The following MIB1 variants were observed in gnomAD, a reference collection of about 807,000 sequenced individuals.
The protein encoded by MIB1 is E3 ubiquitin-protein ligase MIB1.
A neutral mutation model predicts 124.5 loss-of-function variants in MIB1; 278 were observed. The ratio of observed to expected loss-of-function variants is 2.23; its 90% CI spans 2.02 to 2.47. The LOEUF (loss-of-function observed/expected upper bound fraction) is 2.47. Ranked by LOEUF, MIB1 falls within the 30% of genes most tolerant of loss-of-function variation. The pLI is 0.00. For missense variants in MIB1, 957 were observed against 1,254.4 expected, an observed-to-expected ratio of 0.76 and a Z score of 3.58; for synonymous variants, 446 against 429.4, an observed-to-expected ratio of 1.04 and a Z score of -0.48.
At chr18:21,826,957 A>C (rs1220848377) in intron 12 of MIB1, 2 of 152,156 alleles carry the variant, frequency 1.3e-5, no homozygotes, top group Non-Finnish European at 2.9e-5. Flanking sequence ...CCTAAACTTA[A>C]GTGCTGAAGA....
intron 1 of MIB1, among the ~76,000 whole-genome samples, chr18:21,722,572 T>A (rs576643450): frequency 6.6e-6 from 1 of 151,652 alleles, no homozygotes; most frequent in African/African-American, 2.4e-5. Context: ...GGTTTCACCA[T>A]GTGGGCCAGA....
At chr18:21,849,101 A>G (rs2042159896) in intron 16 of MIB1, 95 bp from the exon 17 acceptor site, 1 of 773,502 alleles carries the variant, frequency 1.3e-6, no homozygotes, top group Non-Finnish European at 2.0e-6. Flanking sequence ...ACTAGTTTTT[A>G]TGTATACTAA....
At chr18:21,774,434 A>G (rs1210733938) in intron 4 of MIB1, among the ~76,000 whole-genome samples, 1 of 152,208 alleles carries the variant, frequency 6.6e-6, no homozygotes, top group Non-Finnish European at 1.5e-5. Context: ...ACTAAAATAC[A>G]AAAATTAGCC....
intron 1 of MIB1, among the ~76,000 whole-genome samples, chr18:21,729,559 A>C (rs1331579104): frequency 6.6e-6 from 1 of 152,096 alleles, no homozygotes; most frequent in Non-Finnish European, 1.5e-5. Flanking sequence ...GCATGATCTC[A>C]GCTCACTGCA....
chr18:21,774,437 A>G (rs1467198069), intron 4 of MIB1, among the ~76,000 whole-genome samples: 2 of 152,188 alleles, frequency 1.3e-5, no homozygotes, highest in African/African-American at 4.8e-5. Context: ...AAAATACAAA[A>G]ATTAGCCGGG....
rs532111361 is a variant in MIB1 at position 21,829,483 on chromosome 18, A to AT, written c.1830-8872dup. ...GGTAGATAGTAATTAATTAAATTCA[A>AT]TTTTTTTTTTACAAACTAGATATCT... On this transcript the variant is annotated intron_variant, in intron 12 of 20. Transcript: ENST00000261537. The AT allele has an allele frequency of 2.5e-3, 378 of 149,998 alleles. 2 individuals are homozygous for AT. The highest frequency in any genetic ancestry group is 0.02 in the East Asian group (101 of 5,132). 9.3% of individuals were successfully genotyped at this position (149,998 alleles called of 1,614,324 possible). A position where few individuals can be genotyped will look rare whatever the true frequency, so the allele number is the denominator to read the frequency against.
intron 13 of MIB1, among the ~76,000 whole-genome samples, chr18:21,841,259 C>T (rs531377762): frequency 1.3e-5 from 2 of 152,240 alleles, no homozygotes; most frequent in South Asian, 4.1e-4. Flanking sequence ...CCCAGCTACT[C>T]AGGAAGCTGA....
chr18:21,780,360 G>A (rs988662894), intron 6 of MIB1, among the ~76,000 whole-genome samples: 1 of 151,964 alleles, frequency 6.6e-6, no homozygotes, highest in Non-Finnish European at 1.5e-5. Flanking sequence ...AGTCTTGTAC[G>A]CATTTACCAT....
At chr18:21,759,241 A>G (rs1320927535) in intron 1 of MIB1, among the ~76,000 whole-genome samples, 1 of 150,732 alleles carries the variant, frequency 6.6e-6, no homozygotes, top group African/African-American at 2.4e-5. Context: ...ATATATATAT[A>G]TGTATATATA....
chr18:21,849,324 C>CT lies in MIB1; in HGVS notation c.2525dup (p.Leu842PhefsTer13). The CT allele has an allele frequency of 6.2e-7, 1 of 1,613,092 alleles. No individual in the cohort carries two copies. The highest frequency in any genetic ancestry group is 8.5e-7 in the Non-Finnish European group (1 of 1,179,526). On this transcript the variant is annotated frameshift_variant, in exon 17 of 21. Coordinates refer to ENST00000261537, the MANE Select transcript of MIB1 (RefSeq NM_020774.4). LOFTEE classifies it high-confidence loss of function. Reference sequence around the variant, plus strand: ...CCATGTGGACATATTGCTACCTGTTCTTTATGTTCTCCACGTGTCAAGAAA... The same window carrying CT: ...CCATGTGGACATATTGCTACCTGTTCTTTTATGTTCTCCACGTGTCAAGAAA...
intron 20 of MIB1, among the ~76,000 whole-genome samples, chr18:21,862,633 G>A (rs910956642): frequency 6.6e-6 from 1 of 152,132 alleles, no homozygotes; most frequent in Non-Finnish European, 1.5e-5. Context: ...TACATTGATA[G>A]TAATACAGTG....
chr18:21,734,078 A>G (rs918106674), intron 1 of MIB1, among the ~76,000 whole-genome samples: 2 of 149,736 alleles, frequency 1.3e-5, no homozygotes, highest in Admixed American at 1.3e-4. Context: ...AAGCCTCACC[A>G]TAAATATGAT....
At chr18:21,854,854 G>A (rs1055532584) in intron 18 of MIB1, 3 of 213,136 alleles carry the variant, frequency 1.4e-5, no homozygotes, top group Non-Finnish European at 2.0e-5. Flanking sequence ...CTGGGCACAC[G>A]CCACATGCAG....
intron 9 of MIB1, among the ~76,000 whole-genome samples, chr18:21,803,147 C>T (rs900957469): frequency 1.3e-5 from 2 of 152,060 alleles, no homozygotes; most frequent in Non-Finnish European, 2.9e-5. Flanking sequence ...TTCTTGTTTT[C>T]TAATGTTCTC....
chr18:21,774,962 T>C lies in MIB1; in HGVS notation c.636+1234T>C, dbSNP rs545520621. On this transcript the variant is annotated intron_variant, in intron 4 of 20. Coordinates refer to ENST00000261537, the MANE Select transcript of MIB1 (RefSeq NM_020774.4). ...ATTTATTTATTTATTTATTTATTTT[T>C]TGAGACACAGTCTCGCTGTGTCGCC... 4.1e-3 allele frequency among the ~76,000 whole-genome samples: 607 copies of C among 149,160 alleles called. 1 individual carries two copies. Among genetic ancestry groups the C allele is most frequent in the Middle Eastern group, 7.1e-3 (2 of 282 alleles).
chr18:21,855,864 GAGAA>G (rs1362942817), intron 18 of MIB1, among the ~76,000 whole-genome samples: 1 of 152,182 alleles, frequency 6.6e-6, no homozygotes, highest in South Asian at 2.1e-4. Flanking sequence ...GAATGTTAAT[GAGAA>G]AGAATATGTT....
At chr18:21,800,835 T>C (rs1290028611) in intron 9 of MIB1, among the ~76,000 whole-genome samples, 1 of 152,058 alleles carries the variant, frequency 6.6e-6, no homozygotes, top group Admixed American at 6.6e-5. Flanking sequence ...AGCACAGCAA[T>C]TTGTTGATTG....
At chr18:21,850,152 G>C (rs2042168930) in intron 17 of MIB1, among the ~76,000 whole-genome samples, 2 of 151,982 alleles carry the variant, frequency 1.3e-5, no homozygotes. Flanking sequence ...GAGTAACTTA[G>C]TGCTTTATTA....
intron 17 of MIB1, among the ~76,000 whole-genome samples, chr18:21,852,392 G>A (rs150311019): frequency 5.3e-4 from 81 of 152,292 alleles, no homozygotes; most frequent in African/African-American, 1.9e-3. Flanking sequence ...CACAAGAGAT[G>A]GCTAAATGTG....
Sources: allele counts gnomAD v4.1 joint callset (sites outside exome capture counted in the v4.1 genomes callset), GRCh38; gene constraint gnomAD v4.1.1; transcripts MANE v1.5; gene names NCBI Gene and HGNC (gene_info 2026-07-23, HGNC 2026-07-21).